R3HDM1: variants seen among roughly 807,000 people sequenced by gnomAD.
The protein encoded by R3HDM1 is R3H domain containing 1.
R3HDM1 carries 46 observed loss-of-function variants against 141.1 expected under a neutral mutation model. The observed-to-expected ratio is 0.33, with a 90% CI of 0.26 to 0.42. The LOEUF (loss-of-function observed/expected upper bound fraction) is 0.42. Ranked by LOEUF, R3HDM1 falls within the 10% of genes least tolerant of loss-of-function variation. The pLI, the probability that R3HDM1 is intolerant of heterozygous loss-of-function variation, is 1.00. For synonymous variants in R3HDM1, 435 were observed against 472.9 expected (o/e 0.92, Z 1.04); for missense variants, 1,184 against 1,368.3 (o/e 0.87, Z 2.12).
intron 1 of R3HDM1, chr2:135,543,033 TG>T: frequency 1.1e-6 from 1 of 940,340 alleles, no homozygotes; most frequent in Non-Finnish European, 1.3e-6. Flanking sequence ...CCACTGTCCC[TG>T]GTCTAAATGT....
At chr2:135,646,944 T>C (rs993944891) in intron 16 of R3HDM1, among the ~76,000 whole-genome samples, 15 of 151,984 alleles carry the variant, frequency 9.9e-5, no homozygotes, top group Admixed American at 2.0e-4. Context: ...TTAATTTTGC[T>C]CACAAATGAT....
intron 19 of R3HDM1, among the ~76,000 whole-genome samples, chr2:135,661,782 T>C (rs997516624): frequency 6.6e-6 from 1 of 152,194 alleles, no homozygotes; most frequent in African/African-American, 2.4e-5. Flanking sequence ...CAAAACCACC[T>C]AACTTGGATT....
At chr2:135,699,075 T>TTAGATAGATTAGATAGA (rs1553630336) in intron 21 of R3HDM1, among the ~76,000 whole-genome samples, 1 of 132,020 alleles carries the variant, frequency 7.6e-6, no homozygotes, top group Non-Finnish European at 1.5e-5. Flanking sequence ...ATTAGATAGA[T>TTAGATAGATTAGATAGA]TAGATAGATA....
chr2:135,572,133 G>T (rs1270984274), intron 1 of R3HDM1, among the ~76,000 whole-genome samples: 3 of 151,918 alleles, frequency 2.0e-5, no homozygotes, highest in African/African-American at 7.2e-5. Flanking sequence ...AATTTTTTTG[G>T]TTTTTGTAGA....
At chr2:135,607,013 A>G (rs1282926380) in intron 3 of R3HDM1, among the ~76,000 whole-genome samples, 3 of 151,162 alleles carry the variant, frequency 2.0e-5, no homozygotes, top group African/African-American at 7.3e-5. Context: ...TTTTTAAGAC[A>G]GAGTCTCGCT....
At chr2:135,651,145 T>C (rs2105278080) in intron 17 of R3HDM1, 2 of 985,422 alleles carry the variant, frequency 2.0e-6, no homozygotes, top group South Asian at 4.7e-5. Flanking sequence ...CCAGAACAGA[T>C]TGAAAAACAC....
chr2:135,645,188 A>G, intron 15 of R3HDM1, 191 bp from the exon 16 acceptor site: 2 of 446,132 alleles, frequency 4.5e-6, no homozygotes, highest in Non-Finnish European at 7.5e-6. Context: ...AGTGAGGGAA[A>G]TAAAGACTAT....
intron 21 of R3HDM1, among the ~76,000 whole-genome samples, chr2:135,701,572 A>G (rs1342346919): frequency 6.6e-6 from 1 of 152,178 alleles, no homozygotes; most frequent in African/African-American, 2.4e-5. Flanking sequence ...ACAGGATGTC[A>G]GGAGGAGGAT....
At chr2:135,623,076 A>G (rs1262508154) in intron 7 of R3HDM1, 1 of 968,180 alleles carries the variant, frequency 1.0e-6, no homozygotes, top group Non-Finnish European at 1.2e-6. Flanking sequence ...AACTTAGTGT[A>G]TTCACTTATG....
intron 1 of R3HDM1, among the ~76,000 whole-genome samples, chr2:135,557,387 A>G (rs1184665232): frequency 6.6e-6 from 1 of 152,162 alleles, no homozygotes; most frequent in East Asian, 1.9e-4. Flanking sequence ...CCTGCACTTT[A>G]AATTGTAAGT....
intron 18 of R3HDM1, among the ~76,000 whole-genome samples, chr2:135,652,279 G>T (rs2065231886): frequency 1.3e-5 from 2 of 152,060 alleles, no homozygotes; most frequent in South Asian, 4.2e-4. Context: ...AGAGGTATGG[G>T]TTTCTAAAAA....
At position 135,584,269 on chromosome 2, in the gene R3HDM1, T is replaced by G; in HGVS notation, c.-249-18231T>G. Reference sequence around the variant, plus strand: ...CTTGAACCTGGGAGGCAGAGGTTGCTGTGAGCCGAGATTGTGCCACTGCTC... The same window carrying G: ...CTTGAACCTGGGAGGCAGAGGTTGCGGTGAGCCGAGATTGTGCCACTGCTC... On this transcript the variant is annotated intron_variant, in intron 1 of 26. Transcript: ENST00000683871. The G allele has an allele frequency of 3.3e-6, 2 of 604,264 alleles. 1 individual carries two copies. Among genetic ancestry groups the G allele is most frequent in the South Asian group, 1.5e-4 (2 of 13,644 alleles). 37.4% of individuals were successfully genotyped at this position (604,264 alleles called of 1,614,324 possible).
At chr2:135,651,516 A>G (rs1375829036) in intron 17 of R3HDM1, 4 of 950,692 alleles carry the variant, frequency 4.2e-6, no homozygotes, top group Non-Finnish European at 5.0e-6. Flanking sequence ...TTCCCACTAG[A>G]TATATTTTTT....
chr2:135,650,362 C>G (rs1466218698), intron 17 of R3HDM1: 1 of 984,746 alleles, frequency 1.0e-6, no homozygotes, highest in Non-Finnish European at 1.2e-6. Flanking sequence ...TATTTTCTCC[C>G]CAACACTGTA....
At chr2:135,661,415 A>G (rs1023796701) in intron 19 of R3HDM1, 22 bp downstream of exon 19, 6 of 1,612,294 alleles carry the variant, frequency 3.7e-6, no homozygotes, top group Non-Finnish European at 2.5e-6. Context: ...TTCTTATGTC[A>G]TAACTTCTGA....
At position 135,672,834 on chromosome 2, in the gene R3HDM1, G is replaced by A. The variant is rs552408796; in HGVS notation, c.2153-2498G>A. 4.6e-5 allele frequency among the ~76,000 whole-genome samples: 7 copies of A among 152,198 alleles called. No individual in the cohort carries two copies. The South Asian group carries it at 1.4e-3, about 32-fold the overall frequency. The stretch of plus-strand genomic sequence containing the variant: ...AAGAATAAGATACCAGGCCAGCCAC[G>A]GTAGCTCTCGCCTGTAATCCCAGCA... On this transcript the variant is annotated intron_variant, in intron 19 of 26. Coordinates refer to ENST00000683871, the MANE Select transcript of R3HDM1 (RefSeq NM_001378107.1).
intron 1 of R3HDM1, among the ~76,000 whole-genome samples, chr2:135,562,274 TG>T (rs1425575556): frequency 1.3e-5 from 2 of 152,348 alleles, no homozygotes; most frequent in East Asian, 3.9e-4. Context: ...TTCAGTTATG[TG>T]TTTGACCATC....
chr2:135,569,349 G>A (rs1683827477), intron 1 of R3HDM1, among the ~76,000 whole-genome samples: 1 of 151,962 alleles, frequency 6.6e-6, no homozygotes, highest in South Asian at 2.1e-4. Context: ...CAGGCATGGT[G>A]GCGCACGCCT....
intron 21 of R3HDM1, among the ~76,000 whole-genome samples, chr2:135,680,727 G>A (rs1046890900): frequency 8.5e-5 from 13 of 152,096 alleles, no homozygotes; most frequent in Admixed American, 2.0e-4. Context: ...CCAAGATTGC[G>A]CCGTTGCACT....
Sources: allele counts gnomAD v4.1 joint callset (sites outside exome capture counted in the v4.1 genomes callset), GRCh38; gene constraint gnomAD v4.1.1; transcripts MANE v1.5; gene names NCBI Gene and HGNC (gene_info 2026-07-23, HGNC 2026-07-21).